The following PEAK1 variants were observed in gnomAD, a reference collection of about 807,000 sequenced individuals.
PEAK1 encodes the protein pseudopodium enriched atypical kinase 1, also known as inactive tyrosine-protein kinase PEAK1.
PEAK1 carries 54 observed loss-of-function variants against 124.7 expected under a neutral mutation model. That is an observed-to-expected ratio of 0.43 (90% CI 0.35 to 0.54). The LOEUF (loss-of-function observed/expected upper bound fraction) is 0.54. PEAK1 is among the 20% of genes least tolerant of loss of function. The pLI, the probability that PEAK1 is intolerant of heterozygous loss-of-function variation, is 0.01. For missense variants in PEAK1, 2,046 were observed against 2,134.5 expected (o/e 0.96, Z 0.82); for synonymous variants, 719 against 760.0 (o/e 0.95, Z 0.89).
At chr15:77,349,418 T>A in intron 2 of PEAK1, 2 of 979,092 alleles carry the variant, frequency 2.0e-6, no homozygotes, top group Non-Finnish European at 2.4e-6. Context: ...TCAATCAGTT[T>A]AACATAAAAA....
At chr15:77,320,153 A>G (rs1186144943) in intron 2 of PEAK1, among the ~76,000 whole-genome samples, 5 of 151,820 alleles carry the variant, frequency 3.3e-5, no homozygotes, top group Admixed American at 1.3e-4. Context: ...TGGCCTGGTG[A>G]CCTTAGTTTC....
chr15:77,413,508 T>C (rs965454584), intron 1 of PEAK1, among the ~76,000 whole-genome samples: 4 of 152,052 alleles, frequency 2.6e-5, no homozygotes, highest in Non-Finnish European at 5.9e-5. Flanking sequence ...CCCAATCTAA[T>C]CATGAGAAAA....
intron 7 of PEAK1, among the ~76,000 whole-genome samples, chr15:77,162,071 A>G (rs906592695): frequency 2.0e-5 from 3 of 152,096 alleles, no homozygotes; most frequent in Non-Finnish European, 2.9e-5. Context: ...AATAAAAAAA[A>G]TTGAGAAAAG....
chr15:77,201,580 C>T (rs2058368472), intron 6 of PEAK1, among the ~76,000 whole-genome samples: 1 of 152,030 alleles, frequency 6.6e-6, no homozygotes. Context: ...TATTTCCAAA[C>T]ATCACAGGCC....
intron 5 of PEAK1, among the ~76,000 whole-genome samples, chr15:77,278,021 T>A (rs1262124651): frequency 2.0e-5 from 3 of 152,114 alleles, no homozygotes; most frequent in Non-Finnish European, 4.4e-5. Context: ...GTGATTATGA[T>A]GTCTCAATGA....
At chr15:77,128,538 T>C (rs909023292) in intron 9 of PEAK1, among the ~76,000 whole-genome samples, 2 of 152,074 alleles carry the variant, frequency 1.3e-5, no homozygotes, top group African/African-American at 4.8e-5. Context: ...GCCATGGTGG[T>C]GATGGTGCCA....
intron 6 of PEAK1, among the ~76,000 whole-genome samples, chr15:77,209,340 T>C (rs1203303238): frequency 2.0e-5 from 3 of 151,942 alleles, no homozygotes; most frequent in Admixed American, 2.0e-4. Flanking sequence ...CATTTTATCC[T>C]GGGCTTATTT....
At chr15:77,381,370 G>T in intron 1 of PEAK1, 1 of 769,600 alleles carries the variant, frequency 1.3e-6, no homozygotes, top group Non-Finnish European at 1.6e-6. Context: ...CACTATGATG[G>T]TGCCTGTGAA....
intron 6 of PEAK1, among the ~76,000 whole-genome samples, chr15:77,205,275 TA>T (rs374955010): frequency 0.016 from 2,354 of 143,356 alleles, 34 homozygotes; most frequent in African/African-American, 0.043. Flanking sequence ...TGCCTTTTTT[TA>T]AAAAAAAAAA....
At chr15:77,250,429 G>T (rs2152924506) in intron 6 of PEAK1, among the ~76,000 whole-genome samples, 1 of 148,860 alleles carries the variant, frequency 6.7e-6, no homozygotes, top group South Asian at 2.1e-4. Flanking sequence ...GTGTTTTTTT[G>T]TTTGTTTGTT....
At chr15:77,418,376 G>A in intron 1 of PEAK1, 1 of 984,996 alleles carries the variant, frequency 1.0e-6, no homozygotes, top group Non-Finnish European at 1.2e-6. Context: ...TCATGTTAGA[G>A]AATCCAAAAT....
chr15:77,150,847 AT>A (rs1176367487), intron 8 of PEAK1, among the ~76,000 whole-genome samples: 2 of 152,014 alleles, frequency 1.3e-5, no homozygotes, highest in Non-Finnish European at 2.9e-5. Context: ...TGAACTCATC[AT>A]TTTTTATGGC....
At chr15:77,350,771 T>C in intron 2 of PEAK1, 5 of 980,574 alleles carry the variant, frequency 5.1e-6, no homozygotes, top group Non-Finnish European at 6.1e-6. Context: ...GACAGATCAA[T>C]TCTGTATAAC....
At chr15:77,137,777 T>G (rs2053456525) in intron 8 of PEAK1, among the ~76,000 whole-genome samples, 1 of 152,280 alleles carries the variant, frequency 6.6e-6, no homozygotes, top group East Asian at 1.9e-4. Flanking sequence ...TTTAGGGGAC[T>G]GTTGGAAAGG....
At chr15:77,418,738 G>A in intron 1 of PEAK1, 2 of 985,340 alleles carry the variant, frequency 2.0e-6, no homozygotes, top group Non-Finnish European at 2.4e-6. Flanking sequence ...TTTTACCCCG[G>A]TGGATAATTC....
chr15:77,288,663 C>CTGGGCGT (rs936499419), intron 2 of PEAK1, among the ~76,000 whole-genome samples: 2 of 152,142 alleles, frequency 1.3e-5, no homozygotes, highest in African/African-American at 4.8e-5. Flanking sequence ...TTCAATGAGG[C>CTGGGCGT]TGGGCGTGGT....
intron 6 of PEAK1, among the ~76,000 whole-genome samples, chr15:77,223,535 A>G (rs911944115): frequency 6.6e-6 from 1 of 152,094 alleles, no homozygotes; most frequent in Non-Finnish European, 1.5e-5. Flanking sequence ...GTGTGTCGAC[A>G]GTAGTCTCTA....
chr15:77,144,050 AC>A (rs1256973373), intron 8 of PEAK1, among the ~76,000 whole-genome samples: 1 of 152,204 alleles, frequency 6.6e-6, no homozygotes, highest in Non-Finnish European at 1.5e-5. Context: ...TTCCAAAAGT[AC>A]CTTTTTTTCT....
In PEAK1 at chr15:77,384,248, C is replaced by T. The variant is rs567644410; in HGVS notation, c.-665-19023G>A. ...TTTTTGTCCTTTACCTTTACTCCTT[C>T]CCTGCTGCCAGCCACCTGTTTTAGA... On this transcript the variant is annotated intron_variant, in intron 1 of 9. Coordinates refer to ENST00000682557, the MANE Select transcript of PEAK1 (RefSeq NM_001385026.1). Among the ~76,000 whole-genome samples, 10 of 151,876 alleles carry T rather than the reference C, an allele frequency of 6.6e-5. No homozygotes were observed. The South Asian group carries it at 1.0e-3, about 16-fold the overall frequency.
Sources: allele counts gnomAD v4.1 joint callset (sites outside exome capture counted in the v4.1 genomes callset), GRCh38; gene constraint gnomAD v4.1.1; transcripts MANE v1.5; gene names NCBI Gene and HGNC (gene_info 2026-07-23, HGNC 2026-07-21).